EIF1AX: variants seen among roughly 807,000 people sequenced by gnomAD.
EIF1AX encodes eukaryotic translation initiation factor 1A, X-chromosomal.
EIF1AX carries 1 observed loss-of-function variant against 16.1 expected under a neutral mutation model. That is an observed-to-expected ratio of 0.06 (90% CI 0.02 to 0.30). EIF1AX has a LOEUF of 0.30. Among genes scored for constraint, EIF1AX ranks in the 10% least tolerant of loss-of-function variants. EIF1AX has a pLI of 1.00. For missense variants in EIF1AX, 11 were observed against 109.1 expected (o/e 0.10, Z 4.00); for synonymous variants, 32 against 37.3 (o/e 0.86, Z 0.51).
At chrX:20,131,701 A>G (rs201387731) in intron 5 of EIF1AX, among the ~76,000 whole-genome samples, 1 of 59,484 alleles carries the variant, frequency 1.7e-5, no homozygotes, top group Non-Finnish European at 3.3e-5. Flanking sequence ...TTTTTTTTTT[A>G]ATTTTTTTTG....
chrX:20,125,154 G>A lies in EIF1AX; in HGVS notation c.*3152C>T. On this transcript the variant is annotated 3_prime_UTR_variant, in exon 7 of 7. Transcript: ENST00000379607. Reference sequence around the variant, plus strand: ...CACCTGCAGGTAGAGGGCCAAGTAAGGGTGGGGGCAAAGGCCCTTTGACCC... The same window carrying A: ...CACCTGCAGGTAGAGGGCCAAGTAAAGGTGGGGGCAAAGGCCCTTTGACCC... 6.5e-6 allele frequency: 1 copy of A among 153,729 alleles called. No individual in the cohort carries two copies. Among genetic ancestry groups the A allele is most frequent in the East Asian group, 1.0e-4 (1 of 9,952 alleles). 12.7% of individuals were successfully genotyped at this position (153,729 alleles called of 1,213,427 possible). A position where few individuals can be genotyped will look rare whatever the true frequency, so the allele number is the denominator to read the frequency against.
intron 4 of EIF1AX, 140 bp downstream of exon 4, chrX:20,133,817 A>G (rs2067007886): frequency 6.0e-6 from 3 of 496,861 alleles, no homozygotes; most frequent in African/African-American, 4.9e-5. Context: ...TGTATCCCCT[A>G]GAATAATGGC....
intron 6 of EIF1AX, among the ~76,000 whole-genome samples, chrX:20,129,067 A>G (rs2066993535): frequency 9.0e-6 from 1 of 111,324 alleles, no homozygotes; most frequent in African/African-American, 3.3e-5. Flanking sequence ...TTGTCAAAAT[A>G]TTAGTAACAG....
Position 20,124,923 on chromosome X carries a change from A to G in EIF1AX, c.*3383T>C. ...TGCACGCAAAAGAAATGGGAAATAC[A>G]GAATACAGAAGACATGCACCTTCTA... On this transcript the variant is annotated 3_prime_UTR_variant, in exon 7 of 7. Transcript: ENST00000379607. 6.6e-6 allele frequency: 1 copy of G among 151,419 alleles called. No individual in the cohort carries two copies. Among genetic ancestry groups the G allele is most frequent in the Non-Finnish European group, 1.3e-5 (1 of 76,175 alleles). 12.5% of individuals were successfully genotyped at this position (151,419 alleles called of 1,213,427 possible). A position where few individuals can be genotyped will look rare whatever the true frequency, so the allele number is the denominator to read the frequency against.
Position 20,125,419 on chromosome X carries a change from A to G in EIF1AX, c.*2887T>C, listed in dbSNP as rs1041385322. The stretch of plus-strand genomic sequence containing the variant: ...AACCAAAAACACAAAGCAGTGTGCA[A>G]AAGTTCATGGGAGTCCAAAGAGTAT... On this transcript the variant is annotated 3_prime_UTR_variant, in exon 7 of 7. Coordinates refer to ENST00000379607, the MANE Select transcript of EIF1AX (RefSeq NM_001412.4). The G allele has an allele frequency of 2.3e-5, 4 of 171,128 alleles. No individual in the cohort carries two copies. The highest frequency in any genetic ancestry group is 4.5e-5 in the Non-Finnish European group (4 of 89,400). 14.1% of individuals were successfully genotyped at this position (171,128 alleles called of 1,213,427 possible). A position where few individuals can be genotyped will look rare whatever the true frequency, so the allele number is the denominator to read the frequency against.
At position 20,124,672 on chromosome X, in the gene EIF1AX, T is replaced by C; in HGVS notation, c.*3634A>G. 7.0e-6 allele frequency: 1 copy of C among 143,877 alleles called. No individual in the cohort carries two copies. The highest frequency in any genetic ancestry group is 1.4e-5 in the Non-Finnish European group (1 of 72,316). 11.9% of individuals were successfully genotyped at this position (143,877 alleles called of 1,213,427 possible). A position where few individuals can be genotyped will look rare whatever the true frequency, so the allele number is the denominator to read the frequency against. On this transcript the variant is annotated 3_prime_UTR_variant, in exon 7 of 7. Transcript: ENST00000379607. ...TATAGTAAAAGGAATCACTGAAGATTTAAGAATAAAATATTATCAGAGGTA... is the reference window on the plus strand; with the variant it reads ...TATAGTAAAAGGAATCACTGAAGATCTAAGAATAAAATATTATCAGAGGTA...
At chrX:20,130,302 CAAAAAAAAAAA>C (rs773734086) in intron 6 of EIF1AX, among the ~76,000 whole-genome samples, 1,106 of 28,480 alleles carry the variant, frequency 0.039, 28 homozygotes, top group African/African-American at 0.12. Flanking sequence ...AACTCCATCA[CAAAAAAAAAAA>C]AAAAAAAAAA....
Position 20,129,584 on chromosome X carries a change from G to A in EIF1AX, c.429+932C>T, listed in dbSNP as rs556103671. ...ATTTCATTCAATTACAGTAACAGCA[G>A]AAGTGCAGTAAAGCATTTACACTTA... On this transcript the variant is annotated intron_variant, in intron 6 of 6. Coordinates refer to ENST00000379607, the MANE Select transcript of EIF1AX (RefSeq NM_001412.4). 9.8e-5 allele frequency among the ~76,000 whole-genome samples: 11 copies of A among 112,590 alleles called. No individual in the cohort carries two copies. In the South Asian group the frequency reaches 4.0e-3, roughly 41 times the overall value.
chrX:20,141,501 G>C, intron 1 of EIF1AX, 124 bp downstream of exon 1: 3 of 874,255 alleles, frequency 3.4e-6, no homozygotes, highest in Non-Finnish European at 4.7e-6. Flanking sequence ...GGGGCGCCCA[G>C]CCGCGGGCAG....
At chrX:20,130,202 C>A (rs761259468) in intron 6 of EIF1AX, among the ~76,000 whole-genome samples, 3 of 100,773 alleles carry the variant, frequency 3.0e-5, no homozygotes, top group Non-Finnish European at 5.9e-5. Flanking sequence ...ATTCAGGAGG[C>A]TGAGGCAGGA....
At chrX:20,128,743 A>C (rs1603414878) in intron 6 of EIF1AX, among the ~76,000 whole-genome samples, 2 of 111,656 alleles carry the variant, frequency 1.8e-5, no homozygotes, top group South Asian at 7.4e-4. Flanking sequence ...CAAAATGTTC[A>C]AGAGAACTCC....
At chrX:20,140,584 G>C (rs1194683204) in intron 1 of EIF1AX, 1 of 112,105 alleles carries the variant, frequency 8.9e-6, no homozygotes, top group Non-Finnish European at 1.9e-5. Context: ...GCTACAAAGA[G>C]GAAATGTGGT....
intron 6 of EIF1AX, among the ~76,000 whole-genome samples, chrX:20,128,614 G>A (rs1357878223): frequency 1.8e-5 from 2 of 112,002 alleles, no homozygotes; most frequent in South Asian, 3.7e-4. Context: ...GATTGATCCC[G>A]TTCAGTGTGA....
At chrX:20,132,761 T>C (rs2067004935) in intron 4 of EIF1AX, among the ~76,000 whole-genome samples, 1 of 112,245 alleles carries the variant, frequency 8.9e-6, no homozygotes, top group Middle Eastern at 4.6e-3. Context: ...GACAGATTAG[T>C]AGATGTGAAG....
At position 20,133,949 on chromosome X, in the gene EIF1AX, A is replaced by T; in HGVS notation, c.255+8T>A. 2.5e-6 allele frequency: 3 copies of T among 1,182,974 alleles called. No individual in the cohort carries two copies. Among genetic ancestry groups the T allele is most frequent in the Non-Finnish European group, 3.4e-6 (3 of 879,866 alleles). On this transcript the variant is annotated splice_region_variant and intron_variant, in intron 4 of 6. Transcript: ENST00000379607. ...GTAAAATAGGAAAAATTTACATGTA[A>T]ATTTTACCTGGTAGTCTCGGAGACC... is the stretch of plus-strand genomic sequence containing the variant.
chrX:20,138,767 A>T, intron 1 of EIF1AX, 145 bp from the exon 2 acceptor site: 1 of 419,456 alleles, frequency 2.4e-6, no homozygotes, highest in Non-Finnish European at 4.1e-6. Flanking sequence ...CTACACAATC[A>T]TATTAAATTT....
intron 5 of EIF1AX, among the ~76,000 whole-genome samples, chrX:20,131,028 T>C (rs2066999684): frequency 8.9e-6 from 1 of 112,125 alleles, no homozygotes; most frequent in Admixed American, 9.5e-5. Context: ...TAACATTTCT[T>C]AGATCAGAAA....
chrX:20,135,970 T>G (rs2067015432), intron 2 of EIF1AX, 129 bp from the exon 3 acceptor site: 1 of 480,993 alleles, frequency 2.1e-6, no homozygotes, highest in African/African-American at 2.4e-5. Context: ...AGTAAAACTA[T>G]AAACAAACAT....
intron 5 of EIF1AX, among the ~76,000 whole-genome samples, chrX:20,131,535 G>T (rs1211804610): frequency 9.1e-6 from 1 of 109,919 alleles, no homozygotes; most frequent in Non-Finnish European, 1.9e-5. Context: ...TGGAGGCTGA[G>T]AATCGCTTGA....
Sources: gnomAD v4.1 joint callset for allele counts (sites outside exome capture counted in the v4.1 genomes callset) on GRCh38, gnomAD v4.1.1 for gene constraint, MANE v1.5 for transcripts, NCBI Gene and HGNC (gene_info 2026-07-23, HGNC 2026-07-21) for gene names.